CYSLTR2: variants seen among roughly 807,000 people sequenced by gnomAD.
The protein encoded by CYSLTR2 is G-protein coupled receptor GPCR21.
For synonymous variants in CYSLTR2, 179 were observed against 160.8 expected (o/e 1.11, Z -0.86); for missense variants, 398 against 411.9 (o/e 0.97, Z 0.29).
chr13:48,673,433 C>CTTTTGTT, intron 1 of CYSLTR2, among the ~76,000 whole-genome samples: 1 of 48,276 alleles, frequency 2.1e-5, no homozygotes, highest in Non-Finnish European at 3.7e-5. Flanking sequence ...GTAACCCCGG[C>CTTTTGTT]TTTTTTTTTT....
At chr13:48,698,636 ACAT>A (rs1954258561) in intron 4 of CYSLTR2, among the ~76,000 whole-genome samples, 1 of 152,234 alleles carries the variant, frequency 6.6e-6, no homozygotes, top group South Asian at 2.1e-4. Flanking sequence ...TAACCAGCTA[ACAT>A]CATAATAACA....
intron 1 of CYSLTR2, among the ~76,000 whole-genome samples, chr13:48,669,362 T>C (rs1183521328): frequency 6.6e-6 from 1 of 152,110 alleles, no homozygotes; most frequent in Non-Finnish European, 1.5e-5. Flanking sequence ...CATGCCATGA[T>C]TGTTTGCTGC....
chr13:48,660,685 T>C (rs544683226), intron 1 of CYSLTR2, among the ~76,000 whole-genome samples: 2 of 152,316 alleles, frequency 1.3e-5, no homozygotes, highest in Admixed American at 1.3e-4. Flanking sequence ...CCTTGACTTT[T>C]TGAAAAAAAA....
chr13:48,698,803 C>T (rs780469281), intron 4 of CYSLTR2, among the ~76,000 whole-genome samples: 27 of 151,970 alleles, frequency 1.8e-4, no homozygotes, highest in Admixed American at 3.3e-4. Context: ...CACACATAGG[C>T]TCAAAATAAA....
intron 1 of CYSLTR2, among the ~76,000 whole-genome samples, chr13:48,683,525 A>C (rs1953814900): frequency 6.6e-6 from 1 of 151,978 alleles, no homozygotes; most frequent in South Asian, 2.1e-4. Context: ...CCACATGAAT[A>C]ATATGTCTTC....
chr13:48,662,947 C>T (rs375016128), intron 1 of CYSLTR2, among the ~76,000 whole-genome samples: 1 of 152,042 alleles, frequency 6.6e-6, no homozygotes, highest in African/African-American at 2.4e-5. Context: ...AAATGTGTGT[C>T]CCATGTTTCC....
At chr13:48,673,353 T>C (rs1008577675) in intron 1 of CYSLTR2, among the ~76,000 whole-genome samples, 1 of 152,136 alleles carries the variant, frequency 6.6e-6, no homozygotes, top group Non-Finnish European at 1.5e-5. Context: ...GCTTTATCAT[T>C]ATGTGATTCC....
chr13:48,679,611 A>G (rs1953695508), intron 1 of CYSLTR2, among the ~76,000 whole-genome samples: 1 of 152,222 alleles, frequency 6.6e-6, no homozygotes, highest in Admixed American at 6.5e-5. Flanking sequence ...TTATCAAGTA[A>G]GAGTAGCAAG....
chr13:48,689,432 A>C (rs1953978737), intron 1 of CYSLTR2, among the ~76,000 whole-genome samples: 1 of 152,140 alleles, frequency 6.6e-6, no homozygotes, highest in Non-Finnish European at 1.5e-5. Context: ...ATTTTTGTTT[A>C]ATGTGTAAGG....
chr13:48,672,890 A>T (rs1219546773), intron 1 of CYSLTR2, among the ~76,000 whole-genome samples: 1 of 152,088 alleles, frequency 6.6e-6, no homozygotes, highest in Non-Finnish European at 1.5e-5. Flanking sequence ...TACTGGGATT[A>T]CAGGCATGAG....
Position 48,686,098 on chromosome 13 carries a change from C to CT in CYSLTR2, c.-265-5106dup, listed in dbSNP as rs961856638. On this transcript the variant is annotated intron_variant, in intron 1 of 4. Coordinates refer to ENST00000682523, the MANE Select transcript of CYSLTR2 (RefSeq NM_001308476.3). ...AACTTGAAGGATTAATAACTCTTTT[C>CT]TTTTTTTTGACATCATTTACATGCC... 7.0e-4 allele frequency among the ~76,000 whole-genome samples: 107 copies of CT among 152,024 alleles called. 1 individual carries two copies. The highest frequency in any genetic ancestry group is 6.8e-3 in the Middle Eastern group (2 of 294).
At chr13:48,698,731 C>T (rs58287950) in intron 4 of CYSLTR2, among the ~76,000 whole-genome samples, 444 of 152,178 alleles carry the variant, frequency 2.9e-3, no homozygotes, top group African/African-American at 0.01. Flanking sequence ...ACTGGCAAAT[C>T]AGATAAAGAG....
intron 1 of CYSLTR2, among the ~76,000 whole-genome samples, chr13:48,679,555 T>C (rs765494808): frequency 5.9e-5 from 9 of 152,210 alleles, no homozygotes; most frequent in Admixed American, 2.0e-4. Context: ...CTGTGCACTT[T>C]GGTCTTCTTA....
At chr13:48,685,629 T>C (rs1953876556) in intron 1 of CYSLTR2, among the ~76,000 whole-genome samples, 1 of 152,210 alleles carries the variant, frequency 6.6e-6, no homozygotes, top group Non-Finnish European at 1.5e-5. Context: ...TGCAATTTCT[T>C]AGAGCTCCCT....
chr13:48,686,415 A>T (rs963914479), intron 1 of CYSLTR2, among the ~76,000 whole-genome samples: 1 of 152,182 alleles, frequency 6.6e-6, no homozygotes, highest in African/African-American at 2.4e-5. Context: ...CAGGAATTAC[A>T]TATATTATAA....
chr13:48,683,492 CT>C (rs540568897), intron 1 of CYSLTR2, among the ~76,000 whole-genome samples: 267 of 151,886 alleles, frequency 1.8e-3, no homozygotes, highest in African/African-American at 6.0e-3. Context: ...TGATATTGAG[CT>C]TTTTTTTCAT....
At chr13:48,674,811 G>A (rs1255265058) in intron 1 of CYSLTR2, among the ~76,000 whole-genome samples, 7 of 152,072 alleles carry the variant, frequency 4.6e-5, no homozygotes, top group Admixed American at 6.5e-5. Flanking sequence ...ATTTTTGCAC[G>A]GGCATCCTTT....
intron 1 of CYSLTR2, among the ~76,000 whole-genome samples, chr13:48,681,679 T>C (rs1485193641): frequency 1.3e-5 from 2 of 152,172 alleles, no homozygotes; most frequent in African/African-American, 4.8e-5. Flanking sequence ...GACAAGGAAC[T>C]TACCCCAGCA....
At chr13:48,697,698 A>C (rs1954229616) in intron 4 of CYSLTR2, among the ~76,000 whole-genome samples, 2 of 152,200 alleles carry the variant, frequency 1.3e-5, no homozygotes, top group Non-Finnish European at 2.9e-5. Context: ...GCTTTAGACC[A>C]TTGGTAATAA....
Sources: gnomAD v4.1 joint callset for allele counts (sites outside exome capture counted in the v4.1 genomes callset) on GRCh38, gnomAD v4.1.1 for gene constraint, MANE v1.5 for transcripts, NCBI Gene and HGNC (gene_info 2026-07-23, HGNC 2026-07-21) for gene names.